The following NAALADL2 variants were observed in gnomAD, a reference collection of about 807,000 sequenced individuals.
The protein encoded by NAALADL2 is N-acetylated alpha-linked acidic dipeptidase like 2.
A neutral mutation model predicts 87.2 loss-of-function variants in NAALADL2; 76 were observed. The observed-to-expected ratio is 0.87, with a 90% CI of 0.72 to 1.05. The LOEUF is 1.05. NAALADL2 is among the 50% of genes least tolerant of loss of function. The probability of loss-of-function intolerance (pLI) is 0.00; values close to 1 mark genes in which losing one functional copy is unlikely to be tolerated. For synonymous variants in NAALADL2, 354 were observed against 331.0 expected, an observed-to-expected ratio of 1.07 and a Z score of -0.75; for missense variants, 1,089 against 945.8, an observed-to-expected ratio of 1.15 and a Z score of -1.99.
At chr3:174,472,528 C>T (rs1716967415) in intron 1 of NAALADL2, among the ~76,000 whole-genome samples, 1 of 152,126 alleles carries the variant, frequency 6.6e-6, no homozygotes, top group African/African-American at 2.4e-5. Flanking sequence ...CCATTTACAA[C>T]ATTTCCCTTT....
At chr3:174,692,269 C>T (rs773211349) in intron 2 of NAALADL2, among the ~76,000 whole-genome samples, 8 of 152,066 alleles carry the variant, frequency 5.3e-5, no homozygotes, top group East Asian at 1.9e-4. Flanking sequence ...AGTAATGGAA[C>T]GCCTCTGGCT....
At chr3:175,322,087 A>G (rs1178787392) in intron 4 of NAALADL2, among the ~76,000 whole-genome samples, 1 of 150,702 alleles carries the variant, frequency 6.6e-6, no homozygotes, top group East Asian at 2.0e-4. Context: ...ACCTCAAACT[A>G]TACTACAAGG....
Position 175,803,191 on chromosome 3 carries a change from TG to T in NAALADL2, c.2379del (p.Lys794ArgfsTer23), listed in dbSNP as rs1431271984. On this transcript the variant is annotated frameshift_variant, in exon 14 of 14. Coordinates refer to ENST00000454872, the MANE Select transcript of NAALADL2 (RefSeq NM_207015.3). LOFTEE classifies it high-confidence loss of function. ...GLDVFKSVLDGKN is the reference protein window; with the variant it reads ...GLDVFKSVLDXKN ...TTGATGTGTTCAAGAGTGTCTTGGA[TG>T]GGAAGAATTGAGAAAACTCTGAGCA... 2 of 1,598,392 alleles carry T rather than the reference TG, an allele frequency of 1.3e-6. No individual in the cohort carries two copies. Among genetic ancestry groups the T allele is most frequent in the Admixed American group, 1.7e-5 (1 of 57,940 alleles).
chr3:174,759,460 G>A (rs531415277), intron 3 of NAALADL2, among the ~76,000 whole-genome samples: 5 of 152,270 alleles, frequency 3.3e-5, no homozygotes, highest in African/African-American at 7.2e-5. Context: ...CAGATCTAAC[G>A]ATGCTTGTGT....
At chr3:174,879,290 T>A (rs1728898006) in intron 1 of NAALADL2, among the ~76,000 whole-genome samples, 1 of 152,048 alleles carries the variant, frequency 6.6e-6, no homozygotes, top group Non-Finnish European at 1.5e-5. Flanking sequence ...GAAGCCTAAT[T>A]TTACTCCTTC....
At chr3:175,326,690 A>T (rs1054886753) in intron 5 of NAALADL2, among the ~76,000 whole-genome samples, 2 of 152,214 alleles carry the variant, frequency 1.3e-5, no homozygotes, top group African/African-American at 4.8e-5. Flanking sequence ...TAATCATTTC[A>T]TCCAGTGGTG....
chr3:175,526,027 G>A (rs1733366939), intron 9 of NAALADL2, among the ~76,000 whole-genome samples: 1 of 152,146 alleles, frequency 6.6e-6, no homozygotes, highest in Non-Finnish European at 1.5e-5. Flanking sequence ...GAGCAGGAAT[G>A]CCTGGAGACT....
chr3:175,591,782 G>GTATATATA (rs1296001110), intron 10 of NAALADL2, among the ~76,000 whole-genome samples: 1 of 20,526 alleles, frequency 4.9e-5, no homozygotes, highest in Admixed American at 7.8e-4. Context: ...GTGTGTGTGT[G>GTATATATA]TGTATATATA....
At chr3:174,848,614 A>AT (rs1191603904) in intron 3 of NAALADL2, among the ~76,000 whole-genome samples, 2 of 152,176 alleles carry the variant, frequency 1.3e-5, no homozygotes, top group Non-Finnish European at 2.9e-5. Context: ...CTTCATGATA[A>AT]TTTTTATAAT....
At chr3:175,357,951 C>G (rs932488208) in intron 5 of NAALADL2, among the ~76,000 whole-genome samples, 2 of 152,108 alleles carry the variant, frequency 1.3e-5, no homozygotes, top group Non-Finnish European at 2.9e-5. Context: ...CAGACACTGG[C>G]AAAGGTGGGG....
At position 175,747,514 on chromosome 3, in the gene NAALADL2, G is replaced by A. The variant is rs111696058; in HGVS notation, c.1991-7706G>A. Among the ~76,000 whole-genome samples the A allele has an allele frequency of 5.5e-3, 842 of 152,136 alleles. 9 individuals carry two copies. The highest frequency in any genetic ancestry group is 0.019 in the African/African-American group (807 of 41,512). On this transcript the variant is annotated intron_variant, in intron 12 of 13. Coordinates refer to ENST00000454872, the MANE Select transcript of NAALADL2 (RefSeq NM_207015.3). ...AGTACCATAACCCATTATTCTATGA[G>A]TGTTTCCTCACTGGCACACTTATAA...
intron 1 of NAALADL2, among the ~76,000 whole-genome samples, chr3:174,911,011 C>T (rs993873805): frequency 2.6e-5 from 4 of 152,116 alleles, no homozygotes; most frequent in African/African-American, 4.8e-5. Context: ...TCAGGGGCCA[C>T]CACCTTACCT....
At chr3:174,764,563 T>C (rs1337938239) in intron 3 of NAALADL2, among the ~76,000 whole-genome samples, 1 of 152,178 alleles carries the variant, frequency 6.6e-6, no homozygotes, top group Non-Finnish European at 1.5e-5. Context: ...TGAGCCAAGA[T>C]TGTGCCATTG....
chr3:174,909,554 C>T (rs2108294018), intron 1 of NAALADL2, among the ~76,000 whole-genome samples: 1 of 152,206 alleles, frequency 6.6e-6, no homozygotes, highest in East Asian at 1.9e-4. Context: ...ATCATTATCC[C>T]TACTCCAAGA....
chr3:175,244,355 A>C (rs534266642), intron 3 of NAALADL2, among the ~76,000 whole-genome samples: 187 of 152,236 alleles, frequency 1.2e-3, no homozygotes, highest in African/African-American at 4.3e-3. Context: ...GAGAAACAGT[A>C]GTCTAGATTC....
chr3:174,706,745 T>C (rs1730107323), intron 2 of NAALADL2, among the ~76,000 whole-genome samples: 1 of 152,244 alleles, frequency 6.6e-6, no homozygotes, highest in Admixed American at 6.5e-5. Context: ...GCCTAGGTTT[T>C]CTTCTAGGGT....
Position 175,243,361 on chromosome 3 carries a change from C to T in NAALADL2, c.819+9157C>T, listed in dbSNP as rs142448192. ...ACACACACACGCACGCACACACACA[C>T]GCCAGCACAAACCAGTTTATTTCAG... On this transcript the variant is annotated intron_variant, in intron 3 of 13. Transcript: ENST00000454872. Among the ~76,000 whole-genome samples, 5 of 151,894 alleles carry T rather than the reference C, an allele frequency of 3.3e-5. No homozygotes were observed. In the East Asian group the frequency reaches 9.7e-4, roughly 29 times the overall value.
intron 3 of NAALADL2, among the ~76,000 whole-genome samples, chr3:174,833,560 T>G (rs966425483): frequency 2.0e-5 from 3 of 152,090 alleles, no homozygotes; most frequent in Admixed American, 1.3e-4. Flanking sequence ...ATGAAGCCAG[T>G]TTTGCCCTGA....
intron 2 of NAALADL2, among the ~76,000 whole-genome samples, chr3:174,644,093 G>C (rs1367310737): frequency 1.3e-5 from 2 of 152,160 alleles, no homozygotes; most frequent in African/African-American, 2.4e-5. Flanking sequence ...CCTTTTAGGA[G>C]GTGAATCATT....
Sources: allele counts gnomAD v4.1 joint callset (sites outside exome capture counted in the v4.1 genomes callset), GRCh38; gene constraint gnomAD v4.1.1; transcripts MANE v1.5; gene names NCBI Gene and HGNC (gene_info 2026-07-23, HGNC 2026-07-21).